Variants in TAS1R3 observed in about 807,000 individuals in gnomAD.
The protein encoded by TAS1R3 is taste receptor type 1 member 3.
TAS1R3 carries 58 observed loss-of-function variants against 46.1 expected under a neutral mutation model. That is an observed-to-expected ratio of 1.26 (90% confidence interval 1.02 to 1.57). The LOEUF (loss-of-function observed/expected upper bound fraction) is 1.57. Among genes scored for constraint, TAS1R3 ranks in the 40% most tolerant of loss-of-function variants. The pLI, the probability that TAS1R3 is intolerant of heterozygous loss-of-function variation, is 0.00. For missense variants in TAS1R3, 1,422 were observed against 1,185.8 expected, an observed-to-expected ratio of 1.20 and a Z score of -2.93; for synonymous variants, 724 against 544.7, an observed-to-expected ratio of 1.33 and a Z score of -4.58.
chr1:1,333,432 G>C (rs1320383230), intron 5 of TAS1R3, 53 bp downstream of exon 5: 12 of 1,607,576 alleles, frequency 7.5e-6, no homozygotes, highest in Non-Finnish European at 9.3e-6. Flanking sequence ...GGAGGGTCCT[G>C]CCAAGTCCTG....
In TAS1R3 at chr1:1,333,065, T is replaced by A. The variant is rs890434735; in HGVS notation, c.1420T>A (p.Phe474Ile). 12 of 1,612,590 alleles carry A rather than the reference T, an allele frequency of 7.4e-6. No homozygotes were observed. Among genetic ancestry groups the A allele is most frequent in the Non-Finnish European group, 1.0e-5 (12 of 1,179,886 alleles). Reference protein sequence around the residue: ...SVPRLHDVGRFNGSLRTERLK... With the variant: ...SVPRLHDVGRINGSLRTERLK... ...GCCCAGGCTCCACGACGTGGGCAGG[T>A]TCAACGGCAGCCTCAGGACAGAGCG... is the stretch of plus-strand genomic sequence containing the variant. Residue 474 changes from phenylalanine (F) to isoleucine (I), a missense_variant, in exon 4 of 6, where the codon TTC becomes ATC. Coordinates refer to ENST00000339381, the MANE Select transcript of TAS1R3 (RefSeq NM_152228.3).
rs1177384500 is a variant in TAS1R3, at chr1:1,334,590, A to C, written c.*126A>C. The C allele has an allele frequency of 7.2e-6, 8 of 1,111,076 alleles. No homozygotes were observed. Among genetic ancestry groups the C allele is most frequent in the Admixed American group, 2.9e-5 (1 of 34,546 alleles). 68.8% of individuals were successfully genotyped at this position (1,111,076 alleles called of 1,614,324 possible). A position where few individuals can be genotyped will look rare whatever the true frequency, so the allele number is the denominator to read the frequency against. Reference sequence around the variant, plus strand: ...GGTTCTGACCCCAGGTTGTCTCCTGACCCTGACCCCACAGTGAGCCCTAGG... The same window carrying C: ...GGTTCTGACCCCAGGTTGTCTCCTGCCCCTGACCCCACAGTGAGCCCTAGG... On this transcript the variant is annotated 3_prime_UTR_variant, in exon 6 of 6. Transcript: ENST00000339381.
chr1:1,332,056 C>T lies in TAS1R3; in HGVS notation c.525C>T (p.Ser175=), dbSNP rs373454162. The change falls in exon 3 of 6, where the codon AGC becomes AGT. Residue 175 remains serine, a synonymous_variant. Coordinates refer to ENST00000339381, the MANE Select transcript of TAS1R3 (RefSeq NM_152228.3). ...VSYGASMELL[S]ARETFPSFFR... is the part of the protein sequence containing the mutation. ...ACGGTGCTAGCATGGAGCTGCTGAG[C>T]GCCCGGGAGACCTTCCCCTCCTTCT... 147 of 1,604,792 alleles carry T rather than the reference C, an allele frequency of 9.2e-5. 2 individuals carry two copies. The highest frequency in any genetic ancestry group is 4.5e-5 in the East Asian group (2 of 44,824).
Position 1,334,402 on chromosome 1 carries a change from G to A in TAS1R3, c.2497G>A (p.Gly833Ser), listed in dbSNP as rs897096238. Residue 833 changes from glycine to serine, a missense_variant, in exon 6 of 6, where the codon GGC (glycine) becomes AGC (serine). Coordinates refer to ENST00000339381, the MANE Select transcript of TAS1R3 (RefSeq NM_152228.3). ...LNTPEFFLGG[G>S]PGDAQGQNDG... is the part of the protein sequence containing the mutation. Reference sequence around the variant, plus strand: ...CACCCCCGAGTTCTTCCTGGGAGGGGGCCCTGGGGATGCCCAAGGCCAGAA... The same window carrying A: ...CACCCCCGAGTTCTTCCTGGGAGGGAGCCCTGGGGATGCCCAAGGCCAGAA... 30 of 1,606,416 alleles carry A rather than the reference G, an allele frequency of 1.9e-5. No individual in the cohort carries two copies. The highest frequency in any genetic ancestry group is 2.4e-5 in the Non-Finnish European group (28 of 1,176,418).
chr1:1,333,855 A>T lies in TAS1R3; in HGVS notation c.1950A>T (p.Thr650=), dbSNP rs763977950. 6.2e-7 allele frequency: 1 copy of T among 1,600,066 alleles called. No individual in the cohort carries two copies. Among genetic ancestry groups the T allele is most frequent in the South Asian group, 1.1e-5 (1 of 90,990 alleles). Residue 650 remains threonine, a synonymous_variant, in exon 6 of 6, where the codon ACA becomes ACT. Transcript: ENST00000339381. ...SHLPLTGCLS[T]LFLQAAEIFV... ...TCCCGCTCACGGGCTGCCTGAGCAC[A>T]CTCTTCCTGCAGGCGGCCGAGATCT... is the stretch of plus-strand genomic sequence containing the variant.
Position 1,332,440 on chromosome 1 carries a change from G to GCTGACCT in TAS1R3, c.917_923dup (p.Val309Ter). 6.2e-7 allele frequency: 1 copy of GCTGACCT among 1,608,262 alleles called. No individual in the cohort carries two copies. Among genetic ancestry groups the GCTGACCT allele is most frequent in the East Asian group, 2.2e-5 (1 of 44,828 alleles). ...AGGTGTGGGTGGCCAGCGAGGCCTG[G>GCTGACCT]CTGACCTCTGACCTGGTCATGGGGC... On this transcript the variant is annotated frameshift_variant, in exon 3 of 6. Transcript: ENST00000339381. LOFTEE classifies it high-confidence loss of function.
Position 1,333,139 on chromosome 1 carries a change from GGT to G in TAS1R3, c.1479+19_1479+20del. 6.2e-7 allele frequency: 1 copy of G among 1,607,484 alleles called. No homozygotes were observed. Among genetic ancestry groups the G allele is most frequent in the Non-Finnish European group, 8.5e-7 (1 of 1,178,044 alleles). The stretch of plus-strand genomic sequence containing the variant: ...CTGACAACCAGGTGAGGTGAGGGTG[GGT>G]GTGCCAGGCGTGCCCGTGGTAGCCC... On this transcript the variant is annotated intron_variant, in intron 4 of 5. Coordinates refer to ENST00000339381, the MANE Select transcript of TAS1R3 (RefSeq NM_152228.3).
Position 1,332,328 on chromosome 1 carries a change from G to A in TAS1R3, c.797G>A (p.Ser266Asn), listed in dbSNP as rs1386421329. The change falls in exon 3 of 6, where the codon AGC becomes AAC. Residue 266 changes from serine to asparagine, a missense_variant. Ser to Asn is a conservative substitution (Grantham distance 46). Coordinates refer to ENST00000339381, the MANE Select transcript of TAS1R3 (RefSeq NM_152228.3). ...GACGTCCTGCACCAGGTGAACCAGA[G>A]CAGCGTGCAGGTGGTGCTGCTGTTC... ...VQDVLHQVNQ[S>N]SVQVVLLFAS... 2 of 1,607,282 alleles carry A rather than the reference G, an allele frequency of 1.2e-6. No individual in the cohort carries two copies. The highest frequency in any genetic ancestry group is 2.2e-5 in the South Asian group (2 of 90,522).
At position 1,332,158 on chromosome 1, in the gene TAS1R3, G is replaced by GGCCGCCCTGGGCA. The variant is rs1643443008; in HGVS notation, c.630_642dup (p.Asp215ArgfsTer40). ...TGCAGGAGTTCGGCTGGAACTGGGT[G>GGCCGCCCTGGGCA]GCCGCCCTGGGCAGCGACGACGAGT... is the stretch of plus-strand genomic sequence containing the variant. On this transcript the variant is annotated frameshift_variant, in exon 3 of 6. Coordinates refer to ENST00000339381, the MANE Select transcript of TAS1R3 (RefSeq NM_152228.3). LOFTEE classifies it high-confidence loss of function. 1.3e-6 allele frequency: 2 copies of GGCCGCCCTGGGCA among 1,597,976 alleles called. No individual in the cohort carries two copies. The highest frequency in any genetic ancestry group is 1.1e-5 in the South Asian group (1 of 90,958).
chr1:1,331,573 G>A, intron 1 of TAS1R3, 37 bp downstream of exon 1: 1 of 1,602,304 alleles, frequency 6.2e-7, no homozygotes, highest in Non-Finnish European at 8.5e-7. Flanking sequence ...GGGTCAGGGT[G>A]ACCAGGTCTG....
chr1:1,331,848 C>A lies in TAS1R3; in HGVS notation c.402C>A (p.Tyr134Ter). ...CCGCCTACTGCAACTACACGCAGTA[C>A]CAGCCCCGTGTGCTGGCTGTCATCG... Reference protein sequence around the residue: ...DIAAYCNYTQYQPRVLAVIGP... With the variant: ...DIAAYCNYTQ The change falls in exon 2 of 6, where the codon TAC (tyrosine) becomes TAA (stop). Residue 134 changes from tyrosine to a stop codon, truncating the protein, a stop_gained. Transcript: ENST00000339381. LOFTEE classifies it high-confidence loss of function. 6.2e-7 allele frequency: 1 copy of A among 1,612,920 alleles called. No individual in the cohort carries two copies. Among genetic ancestry groups the A allele is most frequent in the Non-Finnish European group, 8.5e-7 (1 of 1,180,018 alleles).
chr1:1,334,174 T>C lies in TAS1R3; in HGVS notation c.2269T>C (p.Cys757Arg), dbSNP rs307377. The change falls in exon 6 of 6, where the codon TGC (cysteine) becomes CGC (arginine). Residue 757 changes from cysteine (C) to arginine (R), a missense_variant. Transcript: ENST00000339381. ...TTTCCTGGTGCGGAGCCAGCCGGGCTGCTACAACCGTGCCCGTGGCCTCAC... is the reference window on the plus strand; with the variant it reads ...TTTCCTGGTGCGGAGCCAGCCGGGCCGCTACAACCGTGCCCGTGGCCTCAC... Reference protein sequence around the residue: ...GTFLVRSQPGCYNRARGLTFA... With the variant: ...GTFLVRSQPGRYNRARGLTFA... 1,541,483 of 1,594,094 alleles carry C rather than the reference T, an allele frequency of 0.97. 745,711 individuals are homozygous for C. Among genetic ancestry groups the C allele is most frequent in the African/African-American group, 0.99 (73,869 of 74,760 alleles).
rs375087054 is a variant in TAS1R3, at chr1:1,333,633, G to C, written c.1728G>C (p.Leu576=). ...EPAVLLLLLL[L]SLALGLVLAA... ...CTGTGCTGCTGCTGCTCCTGCTGCT[G>C]AGCCTGGCGCTGGGCCTTGTGCTGG... The change falls in exon 6 of 6, where the codon CTG becomes CTC. Residue 576 remains leucine (L), a synonymous_variant. Transcript: ENST00000339381. 1.7e-5 allele frequency: 27 copies of C among 1,611,548 alleles called. No individual in the cohort carries two copies. The South Asian group carries it at 2.6e-4, about 16-fold the overall frequency.
In TAS1R3 at chr1:1,332,788, C is replaced by T. The variant is rs1643460420; in HGVS notation, c.1257C>T (p.Asp419=). The T allele has an allele frequency of 1.2e-6, 2 of 1,604,498 alleles. No individual in the cohort carries two copies. The highest frequency in any genetic ancestry group is 8.5e-7 in the Non-Finnish European group (1 of 1,177,400). ...QCNASGCPAQ[D]PVKPWQLLEN... ...ACGCCTCAGGCTGCCCCGCGCAGGA[C>T]CCCGTGAAGCCCTGGCAGGTGAGCC... The change falls in exon 3 of 6, where the codon GAC becomes GAT. Residue 419 remains aspartate, a synonymous_variant. Coordinates refer to ENST00000339381, the MANE Select transcript of TAS1R3 (RefSeq NM_152228.3).
Position 1,332,798 on chromosome 1 carries a change from C to T in TAS1R3, c.1267C>T (p.Pro423Ser). The T allele has an allele frequency of 6.2e-7, 1 of 1,603,776 alleles. No homozygotes were observed. The highest frequency in any genetic ancestry group is 8.5e-7 in the Non-Finnish European group (1 of 1,176,342). ...SGCPAQDPVK[P>S]WQLLENMYNL... ...CTGCCCCGCGCAGGACCCCGTGAAG[C>T]CCTGGCAGGTGAGCCCGGGAGATGG... Residue 423 changes from proline (P) to serine (S), a missense_variant, in exon 3 of 6, where the codon CCC (proline) becomes TCC (serine). Physicochemically the swap from Pro to Ser is moderately conservative, Grantham distance 74. Coordinates refer to ENST00000339381, the MANE Select transcript of TAS1R3 (RefSeq NM_152228.3).
At position 1,334,122 on chromosome 1, in the gene TAS1R3, G is replaced by A. The variant is rs577836548; in HGVS notation, c.2217G>A (p.Thr739=). The A allele has an allele frequency of 3.7e-5, 59 of 1,580,968 alleles. No homozygotes were observed. Among genetic ancestry groups the A allele is most frequent in the South Asian group, 4.5e-5 (4 of 88,012 alleles). Residue 739 remains threonine, a synonymous_variant, in exon 6 of 6, where the codon ACG becomes ACA. Coordinates refer to ENST00000339381, the MANE Select transcript of TAS1R3 (RefSeq NM_152228.3). Reference sequence around the variant, plus strand: ...GCCTAGCGCACGCCACCAATGCCACGCTGGCCTTTCTCTGCTTCCTGGGCA... The same window carrying A: ...GCCTAGCGCACGCCACCAATGCCACACTGGCCTTTCTCTGCTTCCTGGGCA... ...SFGLAHATNA[T]LAFLCFLGTF... is the part of the protein sequence containing the mutation.
Position 1,331,974 on chromosome 1 carries a change from C to T in TAS1R3, c.492+36C>T, listed in dbSNP as rs375810883. 4.4e-6 allele frequency: 7 copies of T among 1,608,136 alleles called. No individual in the cohort carries two copies. The African/African-American group carries it at 9.5e-5, about 22-fold the overall frequency. On this transcript the variant is annotated intron_variant, in intron 2 of 5. Transcript: ENST00000339381. ...CCCACCATCACCCACCCCCACCCAG[C>T]CCTGCCCGTGGGAGCCCCTGTGTCA...
At position 1,333,239 on chromosome 1, in the gene TAS1R3, G is replaced by A; in HGVS notation, c.1480-20G>A. 1.3e-6 allele frequency: 2 copies of A among 1,598,144 alleles called. No individual in the cohort carries two copies. Among genetic ancestry groups the A allele is most frequent in the Non-Finnish European group, 1.7e-6 (2 of 1,175,564 alleles). ...GGGCATGCCCAGCCGAGCAGAGCCA[G>A]ACCCCAGGCCTGTGCGCAGAAGCCC... On this transcript the variant is annotated intron_variant, in intron 4 of 5. Transcript: ENST00000339381.
chr1:1,333,642 G>C lies in TAS1R3; in HGVS notation c.1737G>C (p.Ala579=). 6.2e-7 allele frequency: 1 copy of C among 1,611,830 alleles called. No homozygotes were observed. The change falls in exon 6 of 6, where the codon GCG becomes GCC. Residue 579 remains alanine, a synonymous_variant. Transcript: ENST00000339381. ...VLLLLLLLSL[A]LGLVLAALGL... ...TGCTGCTCCTGCTGCTGAGCCTGGCGCTGGGCCTTGTGCTGGCTGCTTTGG... is the reference window on the plus strand; with the variant it reads ...TGCTGCTCCTGCTGCTGAGCCTGGCCCTGGGCCTTGTGCTGGCTGCTTTGG...
Sources: gnomAD v4.1 joint callset for allele counts on GRCh38, gnomAD v4.1.1 for gene constraint, MANE v1.5 for transcripts, NCBI Gene and HGNC (gene_info 2026-07-23, HGNC 2026-07-21) for gene names.